Variants in BMPR1B observed in about 807,000 individuals in gnomAD.
BMPR1B encodes the protein bone morphogenetic protein receptor type-1B.
BMPR1B carries 12 observed loss-of-function variants against 59.1 expected under a neutral mutation model. The observed-to-expected ratio is 0.20, with a 90% CI of 0.13 to 0.33. The LOEUF (loss-of-function observed/expected upper bound fraction) is 0.33. BMPR1B is among the 10% of genes least tolerant of loss of function. The probability of loss-of-function intolerance (pLI) is 1.00; values close to 1 mark genes in which losing one functional copy is unlikely to be tolerated. For synonymous variants in BMPR1B, 237 were observed against 207.3 expected (o/e 1.14, Z -1.23); for missense variants, 550 against 610.9 (o/e 0.90, Z 1.05).
chr4:94,987,608 G>A (rs77755105), intron 2 of BMPR1B, among the ~76,000 whole-genome samples: 1 of 152,050 alleles, frequency 6.6e-6, no homozygotes, highest in Non-Finnish European at 1.5e-5. Flanking sequence ...GCTTGTCTTA[G>A]GGAATCCACC....
intron 12 of BMPR1B, among the ~76,000 whole-genome samples, 190 bp downstream of exon 12, chr4:95,152,963 AT>A (rs1158588538): frequency 1.6e-4 from 24 of 152,124 alleles, no homozygotes; most frequent in Admixed American, 9.8e-4. Flanking sequence ...TTCCAATTTT[AT>A]TTTGCCACTT....
chr4:95,116,062 G>A (rs932013171), intron 6 of BMPR1B, among the ~76,000 whole-genome samples: 1 of 152,072 alleles, frequency 6.6e-6, no homozygotes, highest in Middle Eastern at 3.2e-3. Flanking sequence ...TCAGGGTGGA[G>A]GCAGGAGCTA....
intron 1 of BMPR1B, among the ~76,000 whole-genome samples, chr4:94,807,423 G>A (rs1723645433): frequency 6.6e-6 from 1 of 152,090 alleles, no homozygotes; most frequent in African/African-American, 2.4e-5. Flanking sequence ...AAAAAACTGG[G>A]TTTTGGGGGA....
intron 2 of BMPR1B, among the ~76,000 whole-genome samples, chr4:94,959,125 G>A (rs1271529537): frequency 3.3e-5 from 5 of 152,040 alleles, no homozygotes; most frequent in Admixed American, 3.3e-4. Context: ...TCCTAGTGAT[G>A]GGGAGTCCAT....
intron 3 of BMPR1B, among the ~76,000 whole-genome samples, chr4:95,052,822 G>T (rs1726604859): frequency 6.6e-6 from 1 of 152,116 alleles, no homozygotes; most frequent in African/African-American, 2.4e-5. Flanking sequence ...AGGAATGATA[G>T]GTATTTCATC....
chr4:95,039,254 G>A (rs192238998), intron 3 of BMPR1B, among the ~76,000 whole-genome samples: 15 of 151,772 alleles, frequency 9.9e-5, no homozygotes, highest in Admixed American at 4.6e-4. Context: ...CTCTTATTTC[G>A]TGCACATTAA....
At chr4:95,117,432 T>C (rs944957334) in intron 6 of BMPR1B, among the ~76,000 whole-genome samples, 3 of 152,014 alleles carry the variant, frequency 2.0e-5, no homozygotes, top group South Asian at 2.1e-4. Context: ...TGGAGAGCCA[T>C]TTGCTAACTA....
At chr4:94,780,833 T>C (rs961773113) in intron 1 of BMPR1B, among the ~76,000 whole-genome samples, 8 of 151,850 alleles carry the variant, frequency 5.3e-5, no homozygotes, top group African/African-American at 1.4e-4. Flanking sequence ...GGACTATAGG[T>C]GCCCACCACC....
intron 1 of BMPR1B, among the ~76,000 whole-genome samples, chr4:94,792,641 C>A (rs539931664): frequency 1.3e-5 from 2 of 152,084 alleles, no homozygotes; most frequent in African/African-American, 4.8e-5. Flanking sequence ...TGTCTGGTAT[C>A]CTTGTTACTG....
chr4:95,103,788 C>T (rs188710817), intron 3 of BMPR1B, among the ~76,000 whole-genome samples: 1 of 152,170 alleles, frequency 6.6e-6, no homozygotes, highest in East Asian at 1.9e-4. Context: ...TTTTGCATTT[C>T]CCCATGCTGA....
At chr4:94,787,820 A>G (rs543208349) in intron 1 of BMPR1B, among the ~76,000 whole-genome samples, 3 of 152,332 alleles carry the variant, frequency 2.0e-5, no homozygotes, top group Non-Finnish European at 4.4e-5. Flanking sequence ...TAACCCACAC[A>G]GTATTTCCTT....
chr4:94,847,332 C>G (rs968398368), intron 1 of BMPR1B, among the ~76,000 whole-genome samples: 4 of 152,072 alleles, frequency 2.6e-5, no homozygotes, highest in African/African-American at 9.7e-5. Flanking sequence ...GTACACTGTT[C>G]GTGTATGTGT....
In BMPR1B at chr4:94,867,617, G is replaced by A. The variant is rs184052248; in HGVS notation, c.-182-8214G>A. Among the ~76,000 whole-genome samples the A allele has an allele frequency of 2.6e-4, 39 of 152,160 alleles. No individual in the cohort carries two copies. The East Asian group carries it at 5.2e-3, about 20-fold the overall frequency. ...AATTTTGATTCTCTCTGTTTTGTGAGCTTTCTTCTCTTTTTCACTTCATTT... is the reference window on the plus strand; with the variant it reads ...AATTTTGATTCTCTCTGTTTTGTGAACTTTCTTCTCTTTTTCACTTCATTT... On this transcript the variant is annotated intron_variant, in intron 1 of 12. Coordinates refer to ENST00000515059, the MANE Select transcript of BMPR1B (RefSeq NM_001203.3).
chr4:94,866,619 T>C (rs1424153133), intron 1 of BMPR1B, among the ~76,000 whole-genome samples: 4 of 152,184 alleles, frequency 2.6e-5, no homozygotes, highest in South Asian at 2.1e-4. Context: ...GGAGTCTCGC[T>C]GTGTCGCCAG....
At chr4:94,790,475 A>G (rs907853470) in intron 1 of BMPR1B, among the ~76,000 whole-genome samples, 3 of 151,992 alleles carry the variant, frequency 2.0e-5, no homozygotes, top group African/African-American at 7.3e-5. Context: ...GAGGTCTGTG[A>G]TTTTTCAGTG....
chr4:94,965,158 CT>C (rs1730507563), intron 2 of BMPR1B, among the ~76,000 whole-genome samples: 2 of 151,988 alleles, frequency 1.3e-5, no homozygotes, highest in Non-Finnish European at 2.9e-5. Context: ...TTTTGCTTAC[CT>C]TAAATATCCT....
intron 3 of BMPR1B, among the ~76,000 whole-genome samples, chr4:95,064,714 T>C (rs375346895): frequency 3.9e-5 from 6 of 152,106 alleles, no homozygotes; most frequent in Admixed American, 3.3e-4. Context: ...AGTTTGAAAA[T>C]GGACGAGGAT....
At chr4:94,825,281 T>C (rs1724343727) in intron 1 of BMPR1B, among the ~76,000 whole-genome samples, 2 of 152,104 alleles carry the variant, frequency 1.3e-5, no homozygotes, top group African/African-American at 4.8e-5. Context: ...GGCAGGAGGA[T>C]CTATTGAGCC....
rs143482301 is a variant in BMPR1B, at chr4:94,829,062, T to C, written c.-182-46769T>C. On this transcript the variant is annotated intron_variant, in intron 1 of 12. Coordinates refer to ENST00000515059, the MANE Select transcript of BMPR1B (RefSeq NM_001203.3). ...GGTATAATGAAAAAGGTGTTGAAAG[T>C]TTATGATTCATGATTTAGTAAAAGT... 9.2e-3 allele frequency among the ~76,000 whole-genome samples: 1,399 copies of C among 151,438 alleles called. 20 individuals carry two copies. Among genetic ancestry groups the C allele is most frequent in the African/African-American group, 0.032 (1,328 of 41,264 alleles).
Sources: allele counts gnomAD v4.1 joint callset (sites outside exome capture counted in the v4.1 genomes callset), GRCh38; gene constraint gnomAD v4.1.1; transcripts MANE v1.5; gene names NCBI Gene and HGNC (gene_info 2026-07-23, HGNC 2026-07-21).